Variants in SSPN observed in about 807,000 individuals in gnomAD.
SSPN encodes the protein K-ras oncogene-associated protein.
SSPN carries 15 observed loss-of-function variants against 19.1 expected under a neutral mutation model. That is an observed-to-expected ratio of 0.78 (90% CI 0.52 to 1.21). The LOEUF (loss-of-function observed/expected upper bound fraction) is 1.21. SSPN is among the 50% of genes most tolerant of loss of function. SSPN has a pLI of 0.00. For missense variants in SSPN, 291 were observed against 314.0 expected (o/e 0.93, Z 0.55); for synonymous variants, 147 against 140.3 (o/e 1.05, Z -0.34).
intron 1 of SSPN, among the ~76,000 whole-genome samples, chr12:26,168,192 A>C (rs1944632501): frequency 6.8e-6 from 1 of 147,800 alleles, no homozygotes; most frequent in South Asian, 2.2e-4. Flanking sequence ...CAGCCTGGGC[A>C]ACAGAGTGAG....
intron 1 of SSPN, among the ~76,000 whole-genome samples, chr12:26,215,277 C>T (rs752914630): frequency 6.6e-6 from 1 of 152,140 alleles, no homozygotes; most frequent in African/African-American, 2.4e-5. Flanking sequence ...GAAATAAGTA[C>T]TATGATTTCT....
chr12:26,187,405 AC>A (rs368365234), intron 1 of SSPN, among the ~76,000 whole-genome samples: 338 of 152,360 alleles, frequency 2.2e-3, no homozygotes, highest in African/African-American at 6.8e-3. Context: ...CCAAGATCTG[AC>A]TAAATGTAGC....
At chr12:26,215,064 C>T (rs1945032266) in intron 1 of SSPN, among the ~76,000 whole-genome samples, 1 of 152,128 alleles carries the variant, frequency 6.6e-6, no homozygotes, top group Admixed American at 6.5e-5. Flanking sequence ...AATACATTTT[C>T]CTGTGCCTCA....
intron 1 of SSPN, among the ~76,000 whole-genome samples, chr12:26,173,646 T>C (rs1370775692): frequency 2.6e-5 from 4 of 152,230 alleles, no homozygotes; most frequent in African/African-American, 9.6e-5. Flanking sequence ...GGTAGGCAAA[T>C]ACATATGTTC....
At chr12:26,205,478 G>A (rs999949048) in intron 1 of SSPN, among the ~76,000 whole-genome samples, 1 of 152,186 alleles carries the variant, frequency 6.6e-6, no homozygotes, top group African/African-American at 2.4e-5. Flanking sequence ...AAAGTATCAG[G>A]TGTGGCATGC....
chr12:26,194,465 A>C (rs1221373352), upstream of SSPN, among the ~76,000 whole-genome samples: 1 of 152,208 alleles, frequency 6.6e-6, no homozygotes, highest in Non-Finnish European at 1.5e-5. Context: ...GGCTCACTAC[A>C]ACCTCTGCCT....
chr12:26,131,831 C>G (rs988441250), intron 1 of SSPN, among the ~76,000 whole-genome samples: 1 of 152,198 alleles, frequency 6.6e-6, no homozygotes, highest in Non-Finnish European at 1.5e-5. Flanking sequence ...GATGAACAAA[C>G]TCAGGCTCAG....
At chr12:26,172,216 C>T (rs1001016753) in intron 1 of SSPN, among the ~76,000 whole-genome samples, 4 of 152,122 alleles carry the variant, frequency 2.6e-5, no homozygotes, top group Non-Finnish European at 5.9e-5. Context: ...GCTTATTCAG[C>T]GTAAAGTATA....
chr12:26,174,800 C>A (rs1415758202), intron 1 of SSPN, among the ~76,000 whole-genome samples: 4 of 152,158 alleles, frequency 2.6e-5, no homozygotes, highest in Admixed American at 1.3e-4. Flanking sequence ...GGATTACAGG[C>A]GTGAGCCACC....
At chr12:26,228,800 A>G (rs1448783665) in intron 2 of SSPN, among the ~76,000 whole-genome samples, 1 of 152,168 alleles carries the variant, frequency 6.6e-6, no homozygotes, top group Non-Finnish European at 1.5e-5. Context: ...CTACAAAATA[A>G]ATCCATATTT....
intron 1 of SSPN, among the ~76,000 whole-genome samples, chr12:26,198,186 C>CA (rs1223022955): frequency 6.6e-6 from 1 of 151,900 alleles, no homozygotes; most frequent in Non-Finnish European, 1.5e-5. Context: ...TTTTTGGAGA[C>CA]AGAGACTTGC....
At chr12:26,196,378 G>A (rs10771265) in intron 1 of SSPN, among the ~76,000 whole-genome samples, 42,429 of 152,162 alleles carry the variant, frequency 0.28, 7,468 homozygotes, top group Admixed American at 0.45. Flanking sequence ...AGAGGAGAAA[G>A]CCTGTACTTG....
At chr12:26,124,246 C>T in intron 1 of SSPN, 1 of 956,728 alleles carries the variant, frequency 1.0e-6, no homozygotes, top group Non-Finnish European at 1.6e-6. Flanking sequence ...GGATATTACC[C>T]TCGTCTGCCC....
Position 26,232,702 on chromosome 12 carries a change from T to C in SSPN, c.*1626T>C, listed in dbSNP as rs1945246002. The C allele has an allele frequency of 1.4e-5, 14 of 984,908 alleles. No individual in the cohort carries two copies. The highest frequency in any genetic ancestry group is 1.7e-5 in the Non-Finnish European group (14 of 829,520). 61.0% of individuals were successfully genotyped at this position (984,908 alleles called of 1,614,324 possible). ...AGCGTTAAGTCGGTAAGCTAGAGGA[T>C]TGTAAATATCTTTTATGTCCTCTAG... On this transcript the variant is annotated 3_prime_UTR_variant, in exon 3 of 3. Transcript: ENST00000242729.
At chr12:26,201,023 ATATATATATATATATATATATATT>A (rs1944875076) in intron 1 of SSPN, among the ~76,000 whole-genome samples, 3 of 33,454 alleles carry the variant, frequency 9.0e-5, no homozygotes, top group Non-Finnish European at 1.4e-4. Context: ...ATATATATAT[ATATATATATATATATATATATATT>A]ATATATATAT....
intron 1 of SSPN, among the ~76,000 whole-genome samples, chr12:26,149,769 C>G (rs906333266): frequency 6.6e-6 from 1 of 152,238 alleles, no homozygotes; most frequent in Non-Finnish European, 1.5e-5. Flanking sequence ...ACCCATTACT[C>G]AATCACTACA....
chr12:26,201,009 G>GTA lies in SSPN; in HGVS notation c.279+5059_279+5060insAT, dbSNP rs1555179502. Among the ~76,000 whole-genome samples the GTA allele has an allele frequency of 7.2e-4, 34 of 47,372 alleles. 1 individual carries two copies. Among genetic ancestry groups the GTA allele is most frequent in the South Asian group, 2.6e-3 (4 of 1,534 alleles). The allele number at this position is 47,372 out of a possible 152,430, so 31.1% of individuals were successfully genotyped here. On this transcript the variant is annotated intron_variant, in intron 1 of 2. Transcript: ENST00000242729. Reference sequence around the variant, plus strand: ...TTATTCTGGCAAAAGAAGTTAATTTGTGTATATATATATATATATATATAT... The same window carrying GTA: ...TTATTCTGGCAAAAGAAGTTAATTTGTATGTATATATATATATATATATATAT...
intron 2 of SSPN, among the ~76,000 whole-genome samples, chr12:26,226,720 C>T (rs894042679): frequency 6.6e-6 from 1 of 152,132 alleles, no homozygotes; most frequent in Non-Finnish European, 1.5e-5. Flanking sequence ...GGAAACGTGT[C>T]GGGGGCATGT....
intron 2 of SSPN, among the ~76,000 whole-genome samples, chr12:26,225,397 T>G (rs1591896765): frequency 6.6e-6 from 1 of 152,266 alleles, no homozygotes; most frequent in East Asian, 1.9e-4. Flanking sequence ...TAACTAATTT[T>G]AAAAAGCTGG....
Sources: gnomAD v4.1 joint callset for allele counts (sites outside exome capture counted in the v4.1 genomes callset) on GRCh38, gnomAD v4.1.1 for gene constraint, MANE v1.5 for transcripts, NCBI Gene and HGNC (gene_info 2026-07-23, HGNC 2026-07-21) for gene names.